The following SLCO1B1 variants were observed in gnomAD, a reference collection of about 807,000 sequenced individuals.
SLCO1B1 encodes solute carrier organic anion transporter family member 1B1, also known as OATP-2.
SLCO1B1 carries 81 observed loss-of-function variants against 70.1 expected under a neutral mutation model. The ratio of observed to expected loss-of-function variants is 1.16; its 90% confidence interval spans 0.97 to 1.39. The LOEUF is 1.39. SLCO1B1 is among the 40% of genes most tolerant of loss of function. The pLI is 0.00. For missense variants in SLCO1B1, 895 were observed against 799.6 expected (o/e 1.12, Z -1.44); for synonymous variants, 283 against 271.5 (o/e 1.04, Z -0.42).
intron 2 of SLCO1B1, among the ~76,000 whole-genome samples, chr12:21,143,818 T>TA (rs1940346120): frequency 6.6e-6 from 1 of 152,070 alleles, no homozygotes; most frequent in Admixed American, 6.6e-5. Context: ...TCCATACTTC[T>TA]AAAAAATTAT....
chr12:21,176,892 G>A lies in SLCO1B1; in HGVS notation c.476G>A (p.Gly159Glu). 6.5e-7 allele frequency: 1 copy of A among 1,545,450 alleles called. No homozygotes were observed. The highest frequency in any genetic ancestry group is 8.9e-7 in the Non-Finnish European group (1 of 1,117,530). The change falls in exon 5 of 15, where the codon GGA becomes GAA. Residue 159 changes from glycine (G) to glutamate (E), a missense_variant. Gly to Glu is a moderately conservative substitution (Grantham distance 98). Transcript: ENST00000256958. ...SLNRASPEIVGKGCLKESGSY... is the reference protein window; with the variant it reads ...SLNRASPEIVEKGCLKESGSY... ...AATAGAGCATCACCTGAGATAGTGG[G>A]AAAAGGTAAGAATTAATATTGACAG...
chr12:21,234,769 A>G (rs1475385223), intron 14 of SLCO1B1, among the ~76,000 whole-genome samples: 1 of 152,192 alleles, frequency 6.6e-6, no homozygotes, highest in Admixed American at 6.6e-5. Flanking sequence ...AAACAAAAAA[A>G]TTGTGTTCTG....
intron 7 of SLCO1B1, among the ~76,000 whole-genome samples, chr12:21,180,365 C>T (rs1940880432): frequency 6.6e-6 from 1 of 152,146 alleles, no homozygotes; most frequent in South Asian, 2.1e-4. Flanking sequence ...TTAGAGAAGC[C>T]TTACTTCACC....
chr12:21,137,778 G>T (rs1940247537), intron 1 of SLCO1B1, among the ~76,000 whole-genome samples: 1 of 152,222 alleles, frequency 6.6e-6, no homozygotes, highest in Non-Finnish European at 1.5e-5. Flanking sequence ...CTGACCCCTT[G>T]TGCTTCCCGG....
chr12:21,214,929 C>CG (rs1941340037), intron 11 of SLCO1B1, among the ~76,000 whole-genome samples: 1 of 151,950 alleles, frequency 6.6e-6, no homozygotes, highest in Admixed American at 6.6e-5. Context: ...GGCTCACGCA[C>CG]GGTGCGCGCA....
At chr12:21,227,407 T>C (rs1941492903) in intron 14 of SLCO1B1, among the ~76,000 whole-genome samples, 1 of 152,128 alleles carries the variant, frequency 6.6e-6, no homozygotes, top group Admixed American at 6.5e-5. Flanking sequence ...TCAGGATACA[T>C]CTCTGGAGTA....
chr12:21,210,634 T>C (rs1941271864), intron 11 of SLCO1B1, among the ~76,000 whole-genome samples: 1 of 150,700 alleles, frequency 6.6e-6, no homozygotes, highest in African/African-American at 2.5e-5. Context: ...ACATTGAATC[T>C]GTAAATTACC....
rs183853078 is a variant in SLCO1B1, at chr12:21,187,115, C to T, written c.727+8095C>T. On this transcript the variant is annotated intron_variant, in intron 7 of 14. Transcript: ENST00000256958. ...TCCTATCCTGGGGAAAAGAAAGCCA[C>T]GAAGGACGTTTATTAATAAAGAAGA... is the stretch of plus-strand genomic sequence containing the variant. Among the ~76,000 whole-genome samples the T allele has an allele frequency of 1.7e-4, 26 of 152,056 alleles. No homozygotes were observed. The East Asian group carries it at 3.1e-3, about 18-fold the overall frequency.
At chr12:21,209,888 C>T (rs937010643) in intron 11 of SLCO1B1, among the ~76,000 whole-genome samples, 1 of 151,994 alleles carries the variant, frequency 6.6e-6, no homozygotes, top group African/African-American at 2.4e-5. Context: ...TGTCCTTCGC[C>T]CACTTTTTGA....
intron 1 of SLCO1B1, among the ~76,000 whole-genome samples, chr12:21,137,148 T>C (rs960963890): frequency 2.0e-5 from 3 of 152,156 alleles, no homozygotes; most frequent in African/African-American, 7.2e-5. Flanking sequence ...GAAGAGCGGA[T>C]ATTGGTGAAC....
chr12:21,139,913 C>G (rs113454822), intron 1 of SLCO1B1, among the ~76,000 whole-genome samples: 1 of 151,534 alleles, frequency 6.6e-6, no homozygotes, highest in Admixed American at 6.6e-5. Context: ...CTGAAGTGCT[C>G]TCCGGTGCAC....
chr12:21,237,183 C>T (rs1941604676), intron 14 of SLCO1B1, among the ~76,000 whole-genome samples: 1 of 152,052 alleles, frequency 6.6e-6, no homozygotes, highest in Non-Finnish European at 1.5e-5. Context: ...ACTATATAAT[C>T]ATAACTTTTT....
chr12:21,184,592 C>G (rs1275660355), intron 7 of SLCO1B1, among the ~76,000 whole-genome samples: 1 of 152,092 alleles, frequency 6.6e-6, no homozygotes, highest in South Asian at 2.1e-4. Context: ...ACTAAACCAG[C>G]CTTATAACAG....
intron 13 of SLCO1B1, 58 bp downstream of exon 13, chr12:21,222,422 A>G: frequency 5.4e-6 from 1 of 184,498 alleles, no homozygotes. Flanking sequence ...ATATATATAT[A>G]TATATACACA....
At chr12:21,134,836 A>G (rs1305634889) in intron 1 of SLCO1B1, among the ~76,000 whole-genome samples, 1 of 151,838 alleles carries the variant, frequency 6.6e-6, no homozygotes, top group Non-Finnish European at 1.5e-5. Flanking sequence ...TATTTCCTTC[A>G]GTTCTGCTCT....
intron 11 of SLCO1B1, among the ~76,000 whole-genome samples, chr12:21,210,175 G>T (rs200362315): frequency 1.4e-5 from 2 of 138,550 alleles, no homozygotes; most frequent in African/African-American, 2.7e-5. Context: ...TTTTCTTCTA[G>T]GGTTTTTATG....
intron 2 of SLCO1B1, among the ~76,000 whole-genome samples, chr12:21,153,476 T>C (rs1005491148): frequency 1.3e-5 from 2 of 152,142 alleles, no homozygotes; most frequent in Non-Finnish European, 2.9e-5. Flanking sequence ...TTGAAATTAG[T>C]TGAGACTTCT....
intron 14 of SLCO1B1, among the ~76,000 whole-genome samples, chr12:21,226,330 C>G (rs1268860376): frequency 2.0e-5 from 3 of 151,934 alleles, no homozygotes; most frequent in Admixed American, 6.6e-5. Flanking sequence ...ACAAGAATCC[C>G]TTGAACCCAG....
chr12:21,153,059 C>G (rs181251643), intron 2 of SLCO1B1, among the ~76,000 whole-genome samples: 2 of 152,286 alleles, frequency 1.3e-5, no homozygotes, highest in East Asian at 1.9e-4. Flanking sequence ...TCATGAGTCT[C>G]TACTGCTATA....
Sources: gnomAD v4.1 joint callset for allele counts (sites outside exome capture counted in the v4.1 genomes callset) on GRCh38, gnomAD v4.1.1 for gene constraint, MANE v1.5 for transcripts, NCBI Gene and HGNC (gene_info 2026-07-23, HGNC 2026-07-21) for gene names.